The following ASIC2 variants were observed in gnomAD, a reference collection of about 807,000 sequenced individuals.
ASIC2 encodes acid sensing ion channel subunit 2, also known as acid-sensing ion channel 2.
Under a neutral mutation model 57.3 loss-of-function variants are expected in ASIC2, and 25 were observed. That is an observed-to-expected ratio of 0.44 (90% CI 0.32 to 0.61). The LOEUF is 0.61. Among genes scored for constraint, ASIC2 ranks in the 20% least tolerant of loss-of-function variants. The probability of loss-of-function intolerance (pLI) is 0.06; values close to 1 mark genes in which losing one functional copy is unlikely to be tolerated. For missense variants in ASIC2, 641 were observed against 738.1 expected (o/e 0.87, Z 1.52); for synonymous variants, 319 against 307.5 (o/e 1.04, Z -0.39).
intron 1 of ASIC2, among the ~76,000 whole-genome samples, chr17:33,718,519 A>G (rs1232914400): frequency 6.6e-6 from 1 of 152,028 alleles, no homozygotes; most frequent in African/African-American, 2.4e-5. Flanking sequence ...CCACACCCCA[A>G]CAATTTCAGG....
At chr17:33,386,156 TTCTC>T (rs1463356015) in intron 1 of ASIC2, among the ~76,000 whole-genome samples, 2 of 152,178 alleles carry the variant, frequency 1.3e-5, no homozygotes, top group African/African-American at 2.4e-5. Flanking sequence ...CCTCTCTATT[TTCTC>T]TCTATGTGCT....
chr17:33,345,667 G>A (rs2142242120), intron 1 of ASIC2, among the ~76,000 whole-genome samples: 1 of 152,316 alleles, frequency 6.6e-6, no homozygotes, highest in East Asian at 1.9e-4. Context: ...AAACGCAAAT[G>A]AAATTGGCAA....
chr17:33,651,406 A>T (rs1316731626), intron 1 of ASIC2, among the ~76,000 whole-genome samples: 1 of 152,222 alleles, frequency 6.6e-6, no homozygotes, highest in South Asian at 2.1e-4. Flanking sequence ...GAAACCATTT[A>T]TTATGGAGCC....
At chr17:33,998,681 T>C (rs547439676) in intron 1 of ASIC2, among the ~76,000 whole-genome samples, 57 of 152,200 alleles carry the variant, frequency 3.7e-4, no homozygotes, top group Non-Finnish European at 7.5e-4. Flanking sequence ...AATTTTTCAC[T>C]TTTCCTGCTG....
rs541814756 is a variant in ASIC2 at position 33,780,002 on chromosome 17, A to G, written c.555+375976T>C. Among the ~76,000 whole-genome samples the G allele has an allele frequency of 2.1e-4, 23 of 110,388 alleles. No homozygotes were observed. In the East Asian group the frequency reaches 4.0e-3, roughly 19 times the overall value. The allele number at this position is 110,388 out of a possible 152,430, so 72.4% of individuals were successfully genotyped here. A position where few individuals can be genotyped will look rare whatever the true frequency, so the allele number is the denominator to read the frequency against. ...TTTTTTTTTTTTGAGACAGAGTCTC[A>G]CTGTGTTGCCCAGGCTTGAGTGCAG... On this transcript the variant is annotated intron_variant, in intron 1 of 9. Coordinates refer to the ASIC2 transcript ENST00000359872.
At chr17:33,159,128 T>A (rs1046091236) in intron 1 of ASIC2, among the ~76,000 whole-genome samples, 1 of 152,240 alleles carries the variant, frequency 6.6e-6, no homozygotes, top group Admixed American at 6.5e-5. Context: ...TTTGTAATGA[T>A]AAATTACCAT....
chr17:33,057,299 C>T (rs940145125), intron 3 of ASIC2, among the ~76,000 whole-genome samples: 1 of 152,204 alleles, frequency 6.6e-6, no homozygotes, highest in Admixed American at 6.5e-5. Flanking sequence ...AAATTCTATA[C>T]TAGCTTAGGA....
intron 1 of ASIC2, among the ~76,000 whole-genome samples, chr17:33,690,122 T>C (rs980403723): frequency 2.6e-5 from 4 of 152,244 alleles, no homozygotes; most frequent in African/African-American, 9.6e-5. Context: ...ATAAGGCACA[T>C]TGTTCTGCAC....
At chr17:33,933,051 C>G (rs1186082340) in intron 1 of ASIC2, among the ~76,000 whole-genome samples, 1 of 152,162 alleles carries the variant, frequency 6.6e-6, no homozygotes, top group Non-Finnish European at 1.5e-5. Context: ...GGAGGCCTTG[C>G]ACAGGCTGGT....
chr17:33,428,335 T>C (rs1323227332), intron 1 of ASIC2, among the ~76,000 whole-genome samples: 2 of 152,222 alleles, frequency 1.3e-5, no homozygotes, highest in Non-Finnish European at 2.9e-5. Flanking sequence ...TTAAAAGCCC[T>C]CAGATGACTC....
chr17:33,544,757 T>TATAC (rs1265893103), intron 1 of ASIC2, among the ~76,000 whole-genome samples: 1 of 152,092 alleles, frequency 6.6e-6, no homozygotes, highest in African/African-American at 2.4e-5. Flanking sequence ...ATATCACCCT[T>TATAC]ATACATACAT....
intron 1 of ASIC2, among the ~76,000 whole-genome samples, chr17:33,444,343 G>C (rs1022134502): frequency 6.6e-6 from 1 of 152,198 alleles, no homozygotes; most frequent in South Asian, 2.1e-4. Context: ...GAAAAAGTCA[G>C]GACTAGAAAT....
intron 1 of ASIC2, among the ~76,000 whole-genome samples, chr17:33,586,897 A>G (rs1334631048): frequency 6.6e-6 from 1 of 152,234 alleles, no homozygotes; most frequent in East Asian, 1.9e-4. Context: ...TATAAGCTTC[A>G]GAGGGCAGAG....
chr17:33,198,150 G>C (rs975257151), intron 1 of ASIC2, among the ~76,000 whole-genome samples: 14 of 152,196 alleles, frequency 9.2e-5, no homozygotes, highest in African/African-American at 3.1e-4. Flanking sequence ...AGGAGCTGGA[G>C]ACCATCCTGG....
At chr17:33,657,914 G>A (rs1597824061) in intron 1 of ASIC2, among the ~76,000 whole-genome samples, 1 of 152,282 alleles carries the variant, frequency 6.6e-6, no homozygotes, top group South Asian at 2.1e-4. Flanking sequence ...TTAGAGCCTG[G>A]GGGAAGTGTG....
chr17:34,010,621 A>G (rs1047186737), intron 1 of ASIC2, among the ~76,000 whole-genome samples: 1 of 152,072 alleles, frequency 6.6e-6, no homozygotes, highest in Non-Finnish European at 1.5e-5. Context: ...ACGCACAAAC[A>G]TACAAAAACA....
chr17:33,846,726 CTTTT>C (rs71144902), intron 1 of ASIC2, among the ~76,000 whole-genome samples: 3,722 of 143,628 alleles, frequency 0.026, 169 homozygotes, highest in African/African-American at 0.09. Flanking sequence ...TCAGTGATAA[CTTTT>C]TTTTTTTTTT....
At chr17:33,257,180 C>G (rs937912461) in intron 1 of ASIC2, among the ~76,000 whole-genome samples, 1 of 152,198 alleles carries the variant, frequency 6.6e-6, no homozygotes, top group Non-Finnish European at 1.5e-5. Flanking sequence ...ACCAGGGCTG[C>G]GTTTGTAAGC....
intron 1 of ASIC2, among the ~76,000 whole-genome samples, chr17:33,974,107 G>A (rs1444536818): frequency 6.6e-6 from 1 of 152,012 alleles, no homozygotes; most frequent in Non-Finnish European, 1.5e-5. Context: ...GATTCTGTGA[G>A]ATGCTTTCTT....
Sources: gnomAD v4.1 joint callset for allele counts (sites outside exome capture counted in the v4.1 genomes callset) on GRCh38, gnomAD v4.1.1 for gene constraint, MANE v1.5 for transcripts, NCBI Gene and HGNC (gene_info 2026-07-23, HGNC 2026-07-21) for gene names.